Variants in PSAP observed in about 807,000 individuals in gnomAD.
PSAP encodes the protein prosaposin.
A neutral mutation model predicts 66.0 loss-of-function variants in PSAP; 25 were observed. That is an observed-to-expected ratio of 0.38 (90% confidence interval 0.28 to 0.53). The LOEUF is 0.53. PSAP is among the 20% of genes least tolerant of loss of function. The pLI, the probability that PSAP is intolerant of heterozygous loss-of-function variation, is 0.83. For synonymous variants in PSAP, 273 were observed against 258.9 expected (o/e 1.05, Z -0.52); for missense variants, 649 against 668.8 (o/e 0.97, Z 0.33).
rs776833741 is a variant in PSAP at position 71,821,994 on chromosome 10, A to T, written c.791T>A (p.Ile264Asn). 2.5e-5 allele frequency: 41 copies of T among 1,613,952 alleles called. No individual in the cohort carries two copies. The highest frequency in any genetic ancestry group is 3.2e-5 in the Non-Finnish European group (38 of 1,179,996). ...QMMMHMQPKEICALVGFCDEV... is the reference protein window; with the variant it reads ...QMMMHMQPKENCALVGFCDEV... ...ATCACAGAACCCAACCAGCGCACAG[A>T]TCTCCTTGGGTTGCTGAAGAGAGCA... is the stretch of plus-strand genomic sequence containing the variant. Residue 264 changes from isoleucine to asparagine, a missense_variant, in exon 8 of 14, where the codon ATC becomes AAC. Transcript: ENST00000394936.
At chr10:71,822,230 A>G (rs895070460) in intron 7 of PSAP, 7 of 603,254 alleles carry the variant, frequency 1.2e-5, no homozygotes, top group Non-Finnish European at 1.8e-5. Flanking sequence ...GAGACCACAC[A>G]AAGCTCCTAA....
At chr10:71,823,981 C>G in intron 7 of PSAP, 4 of 1,076,004 alleles carry the variant, frequency 3.7e-6, no homozygotes, top group Non-Finnish European at 2.5e-6. Flanking sequence ...AAACAACAAT[C>G]AAGCAGTTAA....
In PSAP at chr10:71,833,038, AC is replaced by A. The variant is rs201096332; in HGVS notation, c.175-1119del. ...TCTCAAAAAAAAAAAAAAACAAAAA[AC>A]AAAAACAGAAGGCCGGGCCATGACA... On this transcript the variant is annotated intron_variant, in intron 2 of 13. Coordinates refer to ENST00000394936, the MANE Select transcript of PSAP (RefSeq NM_002778.4). Among the ~76,000 whole-genome samples the A allele has an allele frequency of 7.7e-4, 103 of 134,582 alleles. 3 individuals carry two copies. The highest frequency in any genetic ancestry group is 1.6e-3 in the East Asian group (7 of 4,486). The allele number at this position is 134,582 out of a possible 152,430, so 88.3% of individuals were successfully genotyped here. A position where few individuals can be genotyped will look rare whatever the true frequency, so the allele number is the denominator to read the frequency against.
intron 1 of PSAP, among the ~76,000 whole-genome samples, chr10:71,843,957 AC>A (rs1429485558): frequency 6.6e-6 from 1 of 152,248 alleles, no homozygotes; most frequent in African/African-American, 2.4e-5. Flanking sequence ...TACCTTTGTA[AC>A]TTTTCTGTAA....
At chr10:71,828,223 T>C (rs1445859183) in intron 5 of PSAP, 66 bp from the exon 6 acceptor site, 55 of 1,568,812 alleles carry the variant, frequency 3.5e-5, no homozygotes, top group Non-Finnish European at 4.8e-5. Flanking sequence ...CGTCCTTATA[T>C]ACTCAGGGCT....
intron 1 of PSAP, among the ~76,000 whole-genome samples, chr10:71,845,119 G>A (rs1352862863): frequency 6.6e-6 from 1 of 152,122 alleles, no homozygotes. Context: ...ATATAAATAA[G>A]ATTTGGTCCC....
At chr10:71,835,545 G>A (rs1292609106) in intron 1 of PSAP, among the ~76,000 whole-genome samples, 11 of 152,098 alleles carry the variant, frequency 7.2e-5, no homozygotes, top group East Asian at 3.9e-4. Context: ...GCACTCCAGC[G>A]GTGAGCTACC....
At chr10:71,829,134 A>G (rs1189647600) in intron 4 of PSAP, 57 bp from the exon 5 acceptor site, 3 of 1,504,556 alleles carry the variant, frequency 2.0e-6, no homozygotes, top group Admixed American at 3.3e-5. Flanking sequence ...AAAATAAGAC[A>G]GGCCATCTAG....
intron 2 of PSAP, among the ~76,000 whole-genome samples, chr10:71,833,450 C>T (rs1157762438): frequency 6.6e-6 from 1 of 152,076 alleles, no homozygotes; most frequent in Admixed American, 6.5e-5. Flanking sequence ...AGAGCCAGAC[C>T]CTGCCTCCAA....
intron 7 of PSAP, among the ~76,000 whole-genome samples, chr10:71,822,895 G>A (rs1461541656): frequency 2.0e-5 from 3 of 151,914 alleles, no homozygotes; most frequent in African/African-American, 7.3e-5. Flanking sequence ...ATAAGACCGG[G>A]GGAGTCTGAA....
At position 71,834,492 on chromosome 10, in the gene PSAP, C is replaced by T. The variant is rs778317867; in HGVS notation, c.54G>A (p.Pro18=). The T allele has an allele frequency of 8.7e-6, 14 of 1,613,852 alleles. No homozygotes were observed. Among genetic ancestry groups the T allele is most frequent in the African/African-American group, 1.3e-5 (1 of 74,928 alleles). Reference sequence around the variant, plus strand: ...TGGTGCATTCTTTCAGTCCAAGGACCGGGCCGGCTAGAGCTAAAATGAAAA... The same window carrying T: ...TGGTGCATTCTTTCAGTCCAAGGACTGGGCCGGCTAGAGCTAAAATGAAAA... ...ASLLGAALAG[P]VLGLKECTRG... is the part of the protein sequence containing the mutation. The change falls in exon 2 of 14, where the codon CCG becomes CCA. Residue 18 remains proline (P), a synonymous_variant. Coordinates refer to ENST00000394936, the MANE Select transcript of PSAP (RefSeq NM_002778.4).
chr10:71,836,700 T>C (rs1161562317), intron 1 of PSAP, among the ~76,000 whole-genome samples: 1 of 152,128 alleles, frequency 6.6e-6, no homozygotes, highest in Non-Finnish European at 1.5e-5. Flanking sequence ...CACCCCCGAT[T>C]CTTAAAAATG....
chr10:71,825,991 G>A, intron 6 of PSAP, 98 bp from the exon 7 acceptor site: 1 of 1,017,464 alleles, frequency 9.8e-7, no homozygotes, highest in Non-Finnish European at 1.5e-6. Context: ...GTGTCAACTG[G>A]TGACTATCAA....
chr10:71,819,398 C>T, intron 11 of PSAP, 67 bp downstream of exon 11: 3 of 1,592,434 alleles, frequency 1.9e-6, no homozygotes, highest in East Asian at 2.2e-5. Context: ...TCAAAATGTA[C>T]CCCAGCCTTG....
chr10:71,843,275 G>A (rs976706925), intron 1 of PSAP, among the ~76,000 whole-genome samples: 13 of 152,188 alleles, frequency 8.5e-5, no homozygotes, highest in African/African-American at 3.1e-4. Flanking sequence ...GGGGCCAGAA[G>A]GCTGGACAGC....
intron 1 of PSAP, among the ~76,000 whole-genome samples, chr10:71,845,653 ATCTAC>A (rs1427415694): frequency 6.6e-6 from 1 of 152,054 alleles, no homozygotes; most frequent in East Asian, 1.9e-4. Flanking sequence ...TCCATCTATT[ATCTAC>A]TCTAAACAGC....
At chr10:71,833,024 A>AAAAAC (rs1213900234) in intron 2 of PSAP, among the ~76,000 whole-genome samples, 1 of 146,960 alleles carries the variant, frequency 6.8e-6, no homozygotes, top group African/African-American at 2.5e-5. Context: ...CTCAAAAAAA[A>AAAAAC]AAAAAAACAA....
At chr10:71,843,667 G>T (rs1472460797) in intron 1 of PSAP, among the ~76,000 whole-genome samples, 1 of 152,170 alleles carries the variant, frequency 6.6e-6, no homozygotes, top group African/African-American at 2.4e-5. Flanking sequence ...TCCATCAATA[G>T]GGATTAAAAA....
intron 4 of PSAP, among the ~76,000 whole-genome samples, chr10:71,830,472 C>T (rs1471327347): frequency 1.3e-4 from 20 of 152,246 alleles, no homozygotes; most frequent in Admixed American, 1.2e-3. Flanking sequence ...AATGCCCTTA[C>T]AATCATGACA....
Sources: allele counts gnomAD v4.1 joint callset (sites outside exome capture counted in the v4.1 genomes callset), GRCh38; gene constraint gnomAD v4.1.1; transcripts MANE v1.5; gene names NCBI Gene and HGNC (gene_info 2026-07-23, HGNC 2026-07-21).